The following ULK4 variants were observed in gnomAD, a reference collection of about 807,000 sequenced individuals.
ULK4 encodes the protein unc-51 like kinase 4.
ULK4 carries 133 observed loss-of-function variants against 160.6 expected under a neutral mutation model. The observed-to-expected ratio is 0.83, with a 90% CI of 0.72 to 0.96. ULK4 has a LOEUF of 0.96. Ranked by LOEUF, ULK4 falls within the 40% of genes least tolerant of loss-of-function variation. ULK4 has a pLI of 0.00. For missense variants in ULK4, 1,580 were observed against 1,499.5 expected (o/e 1.05, Z -0.89); for synonymous variants, 534 against 539.8 (o/e 0.99, Z 0.15).
chr3:41,888,381 A>G (rs1697803044), intron 16 of ULK4, among the ~76,000 whole-genome samples: 1 of 152,218 alleles, frequency 6.6e-6, no homozygotes, highest in African/African-American at 2.4e-5. Context: ...AGTTTGAGAA[A>G]ATCTCAGATG....
intron 17 of ULK4, among the ~76,000 whole-genome samples, chr3:41,876,634 A>T (rs1333985246): frequency 2.6e-5 from 4 of 152,230 alleles, no homozygotes; most frequent in Non-Finnish European, 5.9e-5. Flanking sequence ...AGCCAAATAC[A>T]GAAAACAATC....
At chr3:41,607,056 T>A (rs2032416628) in intron 31 of ULK4, among the ~76,000 whole-genome samples, 4 of 152,142 alleles carry the variant, frequency 2.6e-5, no homozygotes, top group Admixed American at 2.6e-4. Flanking sequence ...TTCTCTTAGG[T>A]TTTCTTCTGG....
At chr3:41,507,570 C>A (rs768372564) in intron 32 of ULK4, among the ~76,000 whole-genome samples, 10 of 136,024 alleles carry the variant, frequency 7.4e-5, no homozygotes, top group Non-Finnish European at 1.4e-4. Context: ...CACTTTTCTT[C>A]CCACGGTAAA....
At chr3:41,776,755 C>T (rs916537844) in intron 21 of ULK4, among the ~76,000 whole-genome samples, 2 of 99,090 alleles carry the variant, frequency 2.0e-5, no homozygotes, top group African/African-American at 9.1e-5. Flanking sequence ...ACCAGCCTTG[C>T]ATCCCAGGGA....
chr3:41,608,851 A>G (rs1331653869), intron 31 of ULK4, among the ~76,000 whole-genome samples: 1 of 152,228 alleles, frequency 6.6e-6, no homozygotes, highest in Non-Finnish European at 1.5e-5. Flanking sequence ...CAGTTCCTGA[A>G]TCAATTAGAA....
At chr3:41,684,916 T>C (rs2036049072) in intron 27 of ULK4, among the ~76,000 whole-genome samples, 1 of 152,220 alleles carries the variant, frequency 6.6e-6, no homozygotes, top group Admixed American at 6.5e-5. Context: ...TTACAAATTA[T>C]CTTGAGCAGC....
chr3:41,554,436 G>C (rs2087207214), intron 32 of ULK4, among the ~76,000 whole-genome samples: 1 of 152,172 alleles, frequency 6.6e-6, no homozygotes, highest in African/African-American at 2.4e-5. Context: ...ACCATGTTAA[G>C]TGAAATCAGC....
chr3:41,913,532 A>G (rs1371670751), intron 8 of ULK4, among the ~76,000 whole-genome samples: 2 of 152,146 alleles, frequency 1.3e-5, no homozygotes, highest in Non-Finnish European at 2.9e-5. Context: ...GCGTAATTTG[A>G]AATTCTAAAG....
intron 21 of ULK4, among the ~76,000 whole-genome samples, chr3:41,774,593 G>A (rs1575686151): frequency 6.7e-6 from 1 of 149,320 alleles, no homozygotes; most frequent in South Asian, 2.1e-4. Context: ...GAGAGGATGT[G>A]GAGAAATAGG....
intron 21 of ULK4, among the ~76,000 whole-genome samples, 184 bp downstream of exon 21, chr3:41,789,477 A>G (rs1415488598): frequency 3.3e-5 from 5 of 152,232 alleles, no homozygotes; most frequent in Non-Finnish European, 7.3e-5. Context: ...TTCTATTTTA[A>G]TCACTAAAAG....
At chr3:41,924,495 T>G (rs1165209284) in intron 5 of ULK4, among the ~76,000 whole-genome samples, 1 of 152,222 alleles carries the variant, frequency 6.6e-6, no homozygotes, top group South Asian at 2.1e-4. Context: ...GCATCACTGC[T>G]AGAATGTCTG....
At chr3:41,286,380 T>C (rs2079457758) in intron 35 of ULK4, among the ~76,000 whole-genome samples, 1 of 152,048 alleles carries the variant, frequency 6.6e-6, no homozygotes, top group Admixed American at 6.6e-5. Context: ...GTTAACCTGG[T>C]AGCTACATGA....
chr3:41,748,907 G>A (rs1017703335), intron 22 of ULK4, among the ~76,000 whole-genome samples: 5 of 152,018 alleles, frequency 3.3e-5, no homozygotes, highest in East Asian at 3.9e-4. Context: ...CCACAACTGC[G>A]TAGCCCTCCA....
intron 27 of ULK4, among the ~76,000 whole-genome samples, chr3:41,689,956 A>G (rs2036231444): frequency 1.3e-5 from 2 of 148,704 alleles, no homozygotes; most frequent in South Asian, 4.3e-4. Context: ...TACCCAAAGG[A>G]TTATAAATCA....
At chr3:41,655,503 T>C (rs186067763) in intron 30 of ULK4, among the ~76,000 whole-genome samples, 3 of 152,200 alleles carry the variant, frequency 2.0e-5, no homozygotes, top group African/African-American at 4.8e-5. Flanking sequence ...GTTGTGCACA[T>C]GTACACTACA....
intron 30 of ULK4, among the ~76,000 whole-genome samples, chr3:41,661,986 G>A (rs372314735): frequency 6.6e-6 from 1 of 152,110 alleles, no homozygotes; most frequent in Middle Eastern, 3.2e-3. Flanking sequence ...TGTGGAATGA[G>A]CCAAAGTTAC....
chr3:41,473,616 C>T (rs768387359), intron 32 of ULK4, among the ~76,000 whole-genome samples: 8 of 138,070 alleles, frequency 5.8e-5, no homozygotes, highest in South Asian at 2.3e-4. Flanking sequence ...GAGCTGAGAT[C>T]GCACCACGGC....
chr3:41,249,433 G>C, intron 36 of ULK4, 56 bp downstream of exon 36: 1 of 1,516,324 alleles, frequency 6.6e-7, no homozygotes. Context: ...GAAAGGAATG[G>C]CTGAGAGTGT....
intron 30 of ULK4, among the ~76,000 whole-genome samples, chr3:41,655,112 C>T (rs2125746310): frequency 6.6e-6 from 1 of 151,676 alleles, no homozygotes; most frequent in African/African-American, 2.4e-5. Context: ...AGTTTGAGAC[C>T]AGCCTGGGCA....
Sources: gnomAD v4.1 joint callset for allele counts (sites outside exome capture counted in the v4.1 genomes callset) on GRCh38, gnomAD v4.1.1 for gene constraint, MANE v1.5 for transcripts, NCBI Gene and HGNC (gene_info 2026-07-23, HGNC 2026-07-21) for gene names.